The following VPS8 variants were observed in gnomAD, a reference collection of about 807,000 sequenced individuals.
VPS8 encodes the protein VPS8 subunit of CORVET complex.
VPS8 carries 129 observed loss-of-function variants against 216.4 expected under a neutral mutation model. The observed-to-expected ratio is 0.60, with a 90% CI of 0.52 to 0.69. The LOEUF is 0.69. VPS8 is among the 30% of genes least tolerant of loss of function. VPS8 has a pLI of 0.00. For missense variants in VPS8, 1,531 were observed against 1,683.5 expected (o/e 0.91, Z 1.59); for synonymous variants, 571 against 565.4 (o/e 1.01, Z -0.14).
chr3:184,860,404 CGTATATATGT>C (rs1726089141), intron 15 of VPS8, among the ~76,000 whole-genome samples: 1 of 145,718 alleles, frequency 6.9e-6, no homozygotes, highest in Admixed American at 6.9e-5. Context: ...TGTATGTATA[CGTATATATGT>C]ATATATATGT....
chr3:185,051,147 CCT>C (rs1221860109), intron 47 of VPS8, among the ~76,000 whole-genome samples: 5 of 152,162 alleles, frequency 3.3e-5, no homozygotes, highest in Non-Finnish European at 7.4e-5. Flanking sequence ...GGATGGTCCC[CCT>C]GAGTGGCAGA....
intron 46 of VPS8, among the ~76,000 whole-genome samples, chr3:185,036,015 TAAAAC>T (rs968579111): frequency 2.0e-5 from 3 of 152,018 alleles, no homozygotes; most frequent in Non-Finnish European, 2.9e-5. Flanking sequence ...TCTATAGCCA[TAAAAC>T]AAAACAAAAC....
chr3:185,003,722 C>A lies in VPS8; in HGVS notation c.4002+3861C>A, dbSNP rs531472697. ...GCAGAGTGGCTCCTCACTTCCCAGACGGGGTGGCTGCTGGGCGGAGGGGCT... is the reference window on the plus strand; with the variant it reads ...GCAGAGTGGCTCCTCACTTCCCAGAAGGGGTGGCTGCTGGGCGGAGGGGCT... On this transcript the variant is annotated intron_variant, in intron 45 of 47. Coordinates refer to ENST00000625842, the MANE Select transcript of VPS8 (RefSeq NM_001009921.3). 3.7e-3 allele frequency among the ~76,000 whole-genome samples: 564 copies of A among 150,678 alleles called. 3 individuals carry two copies. Among genetic ancestry groups the A allele is most frequent in the African/African-American group, 0.013 (541 of 40,936 alleles).
At position 184,983,026 on chromosome 3, in the gene VPS8, A is replaced by G; in HGVS notation, c.3517A>G (p.Thr1173Ala). 6.2e-7 allele frequency: 1 copy of G among 1,607,160 alleles called. No individual in the cohort carries two copies. The highest frequency in any genetic ancestry group is 8.5e-7 in the Non-Finnish European group (1 of 1,176,378). Residue 1173 changes from threonine (T) to alanine (A), a missense_variant, in exon 42 of 48, where the codon ACC (threonine) becomes GCC (alanine). Physicochemically the swap from Thr to Ala is moderately conservative, Grantham distance 58. Transcript: ENST00000625842. ...TGTTATAACAGCTCTGAAGTCTTTG[A>G]CCATGCAAGTTTTAAATAGCATGGC... ...HLHSEALKSL[T>A]MQVLNSMAAF...
intron 29 of VPS8, chr3:184,922,359 T>C (rs1230105600): frequency 2.3e-6 from 1 of 442,428 alleles, no homozygotes; most frequent in African/African-American, 2.0e-5. Context: ...AGACTTGAGC[T>C]TCCTGAAGGT....
chr3:184,866,906 T>TC lies in VPS8; in HGVS notation c.1428dup (p.Ile477HisfsTer3). The TC allele has an allele frequency of 6.2e-7, 1 of 1,613,268 alleles. No homozygotes were observed. The highest frequency in any genetic ancestry group is 8.5e-7 in the Non-Finnish European group (1 of 1,179,610). On this transcript the variant is annotated frameshift_variant, in exon 17 of 48. Transcript: ENST00000625842. LOFTEE classifies it high-confidence loss of function. ...GGTTGGAGAGAAGGCTTGTTATCAA[T>TC]CCATCAGTAGCTATGGTGGTCAGAT...
chr3:184,917,024 C>T (rs982358153), intron 28 of VPS8, among the ~76,000 whole-genome samples: 2 of 152,112 alleles, frequency 1.3e-5, no homozygotes, highest in African/African-American at 4.8e-5. Flanking sequence ...GAAGAGGATC[C>T]AGACTTGTAG....
chr3:185,033,117 A>T lies in VPS8; in HGVS notation c.4056+8728A>T, dbSNP rs1232010531. ...CTATGGGATACACTTGTTCTAATTG[A>T]TGAGGCAATATTAATACATTATTAA... On this transcript the variant is annotated intron_variant, in intron 46 of 47. Coordinates refer to ENST00000625842, the MANE Select transcript of VPS8 (RefSeq NM_001009921.3). Among the ~76,000 whole-genome samples, 6 of 152,146 alleles carry T rather than the reference A, an allele frequency of 3.9e-5. No individual in the cohort carries two copies. In the East Asian group the frequency reaches 9.6e-4, roughly 24 times the overall value.
intron 1 of VPS8, among the ~76,000 whole-genome samples, chr3:184,819,240 C>A (rs1717014126): frequency 6.6e-6 from 1 of 151,594 alleles, no homozygotes; most frequent in Non-Finnish European, 1.5e-5. Context: ...TATCAGCACT[C>A]AGAAGAGACA....
intron 41 of VPS8, 75 bp downstream of exon 41, chr3:184,982,722 TATA>T: frequency 8.2e-7 from 1 of 1,218,614 alleles, no homozygotes; most frequent in Non-Finnish European, 1.2e-6. Context: ...AAACTATCAG[TATA>T]ATATCTTTTT....
intron 21 of VPS8, among the ~76,000 whole-genome samples, chr3:184,877,336 C>T (rs1347800200): frequency 6.6e-6 from 1 of 152,126 alleles, no homozygotes; most frequent in Non-Finnish European, 1.5e-5. Context: ...TTTGTCATTG[C>T]CGTATGCCCA....
intron 36 of VPS8, among the ~76,000 whole-genome samples, chr3:184,951,581 T>C (rs957672016): frequency 6.6e-6 from 1 of 152,184 alleles, no homozygotes; most frequent in Non-Finnish European, 1.5e-5. Flanking sequence ...TAATTTGAAA[T>C]GATTTTCACA....
At chr3:185,009,001 C>T (rs1309817879) in intron 45 of VPS8, among the ~76,000 whole-genome samples, 3 of 152,176 alleles carry the variant, frequency 2.0e-5, no homozygotes, top group African/African-American at 7.2e-5. Flanking sequence ...GGTTTTTATT[C>T]TTAGGAAACA....
chr3:184,906,910 C>G (rs1420892119), intron 25 of VPS8, among the ~76,000 whole-genome samples: 1 of 152,128 alleles, frequency 6.6e-6, no homozygotes, highest in Non-Finnish European at 1.5e-5. Context: ...AGGTAGATCA[C>G]ATAATATCAG....
intron 22 of VPS8, among the ~76,000 whole-genome samples, chr3:184,892,987 T>A (rs1241262023): frequency 1.3e-5 from 2 of 152,200 alleles, no homozygotes. Flanking sequence ...TCTGTTTGTT[T>A]TGCTTGGCTA....
intron 2 of VPS8, among the ~76,000 whole-genome samples, chr3:184,825,880 A>G (rs1462173882): frequency 2.6e-5 from 4 of 151,690 alleles, no homozygotes; most frequent in Non-Finnish European, 4.4e-5. Context: ...CAGCCTGGGC[A>G]TCACAGCAAG....
chr3:185,050,805 C>T (rs1162175845), intron 47 of VPS8, among the ~76,000 whole-genome samples: 1 of 152,152 alleles, frequency 6.6e-6, no homozygotes, highest in Admixed American at 6.5e-5. Flanking sequence ...CTCAGCTGTA[C>T]ACTCCCCATG....
At chr3:184,835,293 A>G (rs1720820614) in intron 5 of VPS8, among the ~76,000 whole-genome samples, 1 of 152,206 alleles carries the variant, frequency 6.6e-6, no homozygotes, top group Non-Finnish European at 1.5e-5. Flanking sequence ...TTCTGTTAGG[A>G]GGTAGCAAGG....
chr3:184,881,978 A>G (rs1730344083), intron 21 of VPS8, among the ~76,000 whole-genome samples: 1 of 151,686 alleles, frequency 6.6e-6, no homozygotes, highest in Non-Finnish European at 1.5e-5. Flanking sequence ...TGCTTTTTGT[A>G]GATTCCTTGG....
Sources: gnomAD v4.1 joint callset for allele counts (sites outside exome capture counted in the v4.1 genomes callset) on GRCh38, gnomAD v4.1.1 for gene constraint, MANE v1.5 for transcripts, NCBI Gene and HGNC (gene_info 2026-07-23, HGNC 2026-07-21) for gene names.